TXK: variants seen among roughly 807,000 people sequenced by gnomAD.
TXK encodes the protein TXK tyrosine kinase.
TXK carries 60 observed loss-of-function variants against 81.0 expected under a neutral mutation model. The observed-to-expected ratio is 0.74, with a 90% CI of 0.60 to 0.92. The LOEUF is 0.92. Ranked by LOEUF, TXK falls within the 40% of genes least tolerant of loss-of-function variation. The pLI is 0.00. For missense variants in TXK, 581 were observed against 638.3 expected (o/e 0.91, Z 0.97); for synonymous variants, 203 against 210.7 (o/e 0.96, Z 0.32).
intron 9 of TXK, among the ~76,000 whole-genome samples, 195 bp from the exon 10 acceptor site, chr4:48,086,832 CTT>C (rs1407347799): frequency 6.6e-6 from 1 of 152,146 alleles, no homozygotes; most frequent in Non-Finnish European, 1.5e-5. Context: ...AAAACACAAA[CTT>C]TATTTATTTG....
chr4:48,068,206 T>C (rs1217565188), intron 14 of TXK, among the ~76,000 whole-genome samples: 1 of 152,158 alleles, frequency 6.6e-6, no homozygotes, highest in African/African-American at 2.4e-5. Flanking sequence ...GCAGCACAGA[T>C]ATAGAACGTT....
intron 8 of TXK, among the ~76,000 whole-genome samples, chr4:48,091,874 A>C (rs1009145435): frequency 6.6e-6 from 1 of 152,200 alleles, no homozygotes; most frequent in African/African-American, 2.4e-5. Context: ...CATTGGAGGC[A>C]ATAAGACCAG....
chr4:48,078,159 G>A (rs1478534815), intron 11 of TXK, among the ~76,000 whole-genome samples: 6 of 152,298 alleles, frequency 3.9e-5, no homozygotes, highest in South Asian at 2.1e-4. Context: ...TAATCACTGC[G>A]TGGCATCTCA....
At chr4:48,074,513 G>A (rs1225259014) in intron 12 of TXK, among the ~76,000 whole-genome samples, 4 of 152,110 alleles carry the variant, frequency 2.6e-5, no homozygotes, top group African/African-American at 4.8e-5. Context: ...CATACAGAAG[G>A]GGGGAAAGTA....
rs774179145 is a variant in TXK at position 48,074,050 on chromosome 4, G to A, written c.1242C>T (p.Tyr414=). The A allele has an allele frequency of 1.1e-5, 18 of 1,609,666 alleles. No homozygotes were observed. The Admixed American group carries it at 1.7e-4, about 15-fold the overall frequency. Residue 414 remains tyrosine, a synonymous_variant, in exon 13 of 15, where the codon TAC becomes TAT. Transcript: ENST00000264316. The part of the protein sequence containing the change: ...VKISDFGMTR[Y]VLDDEYVSSF... ...AACTGACATACTCATCATCCAAAAC[G>A]TACCTAAGTTTATCAGATTCAAAGC...
intron 1 of TXK, among the ~76,000 whole-genome samples, chr4:48,132,753 C>T (rs1260507174): frequency 6.6e-6 from 1 of 151,994 alleles, no homozygotes; most frequent in Non-Finnish European, 1.5e-5. Flanking sequence ...TGAGACCAAC[C>T]TGGCCAACAT....
intron 1 of TXK, among the ~76,000 whole-genome samples, chr4:48,119,231 G>A (rs1165422618): frequency 6.6e-6 from 1 of 152,092 alleles, no homozygotes; most frequent in East Asian, 1.9e-4. Flanking sequence ...AATACTAAAA[G>A]GTGGGGAACA....
intron 6 of TXK, among the ~76,000 whole-genome samples, chr4:48,100,800 A>G (rs1186004556): frequency 6.6e-6 from 1 of 152,182 alleles, no homozygotes; most frequent in Non-Finnish European, 1.5e-5. Flanking sequence ...CATAATGAAG[A>G]ATTGGTTTTA....
chr4:48,101,235 G>A (rs1242255867), intron 6 of TXK, among the ~76,000 whole-genome samples: 1 of 152,054 alleles, frequency 6.6e-6, no homozygotes, highest in African/African-American at 2.4e-5. Context: ...CAATTCTCTA[G>A]GTAAATATAA....
chr4:48,130,941 C>T (rs973274342), intron 1 of TXK, among the ~76,000 whole-genome samples: 1 of 152,064 alleles, frequency 6.6e-6, no homozygotes, highest in Non-Finnish European at 1.5e-5. Flanking sequence ...GACTTAGAAA[C>T]CACTCTTTCT....
intron 4 of TXK, among the ~76,000 whole-genome samples, chr4:48,111,999 T>A (rs921316881): frequency 6.6e-6 from 1 of 152,172 alleles, no homozygotes; most frequent in African/African-American, 2.4e-5. Context: ...AAGCACAAAT[T>A]AGAATAAGAA....
At chr4:48,131,208 G>A (rs549695287) in intron 1 of TXK, among the ~76,000 whole-genome samples, 9 of 152,008 alleles carry the variant, frequency 5.9e-5, no homozygotes, top group South Asian at 4.2e-4. Context: ...AATATCCCAC[G>A]CTCCACAATT....
rs186348025 is a variant in TXK at position 48,126,723 on chromosome 4, C to T, written c.16+7432G>A. ...TTCACCACATTGGCCAAGCTAGTCTCAAACTCCCAACCTCAAGTGATCCCC... is the reference window on the plus strand; with the variant it reads ...TTCACCACATTGGCCAAGCTAGTCTTAAACTCCCAACCTCAAGTGATCCCC... On this transcript the variant is annotated intron_variant, in intron 1 of 14. Transcript: ENST00000264316. 9.2e-5 allele frequency among the ~76,000 whole-genome samples: 14 copies of T among 152,320 alleles called. No homozygotes were observed. The East Asian group carries it at 2.7e-3, about 29-fold the overall frequency.
intron 3 of TXK, 26 bp downstream of exon 3, chr4:48,113,181 C>T: frequency 1.9e-6 from 3 of 1,569,076 alleles, no homozygotes; most frequent in Non-Finnish European, 1.8e-6. Context: ...CTCCATTCCC[C>T]TCTTGCCTGT....
At position 48,125,521 on chromosome 4, in the gene TXK, G is replaced by A. The variant is rs79633386; in HGVS notation, c.16+8634C>T. On this transcript the variant is annotated intron_variant, in intron 1 of 14. Transcript: ENST00000264316. Reference sequence around the variant, plus strand: ...TGACTCAAAGGCAGATGTTTCCCCCGTTCAGGACTCCAGGAGACTCTCTCT... The same window carrying A: ...TGACTCAAAGGCAGATGTTTCCCCCATTCAGGACTCCAGGAGACTCTCTCT... 1.8e-4 allele frequency among the ~76,000 whole-genome samples: 27 copies of A among 152,248 alleles called. No individual in the cohort carries two copies. In the East Asian group the frequency reaches 4.2e-3, roughly 24 times the overall value.
intron 10 of TXK, among the ~76,000 whole-genome samples, chr4:48,084,980 G>C (rs574070243): frequency 1.3e-5 from 2 of 151,978 alleles, no homozygotes; most frequent in Non-Finnish European, 2.9e-5. Flanking sequence ...CTGCAAGTGC[G>C]GGTCAGAACT....
intron 1 of TXK, among the ~76,000 whole-genome samples, chr4:48,127,745 G>A (rs766478638): frequency 6.6e-6 from 1 of 150,506 alleles, no homozygotes; most frequent in Non-Finnish European, 1.5e-5. Flanking sequence ...AAAGGGCATC[G>A]CATCAGATGT....
At chr4:48,067,764 ATTTT>A in intron 14 of TXK, 59 bp from the exon 15 acceptor site, 1 of 1,535,012 alleles carries the variant, frequency 6.5e-7, no homozygotes, top group Non-Finnish European at 9.0e-7. Context: ...CAAGGGTTCC[ATTTT>A]TGGAACGCTA....
intron 12 of TXK, among the ~76,000 whole-genome samples, chr4:48,075,596 G>T (rs373919621): frequency 1.2e-4 from 18 of 152,232 alleles, no homozygotes; most frequent in African/African-American, 4.1e-4. Flanking sequence ...GCTGCAGTGA[G>T]CCGAGAGAGC....
Sources: gnomAD v4.1 joint callset for allele counts (sites outside exome capture counted in the v4.1 genomes callset) on GRCh38, gnomAD v4.1.1 for gene constraint, MANE v1.5 for transcripts, NCBI Gene and HGNC (gene_info 2026-07-23, HGNC 2026-07-21) for gene names.